Variants in MGST2 observed in about 807,000 individuals in gnomAD.
MGST2 encodes the protein glutathione peroxidase MGST2.
MGST2 carries 9 observed loss-of-function variants against 16.6 expected under a neutral mutation model. The ratio of observed to expected loss-of-function variants is 0.54; its 90% confidence interval spans 0.33 to 0.95. MGST2 has a LOEUF of 0.95. Among genes scored for constraint, MGST2 ranks in the 40% least tolerant of loss-of-function variants. The pLI is 0.03. For missense variants in MGST2, 159 were observed against 175.1 expected, an observed-to-expected ratio of 0.91 and a Z score of 0.52; for synonymous variants, 79 against 68.0, an observed-to-expected ratio of 1.16 and a Z score of -0.79.
downstream of MGST2, among the ~76,000 whole-genome samples, chr4:139,745,208 T>C (rs1228440203): frequency 1.3e-5 from 2 of 152,138 alleles, no homozygotes; most frequent in Non-Finnish European, 2.9e-5. Flanking sequence ...TGCTGGGATG[T>C]GTGAGAGGAA....
chr4:139,748,532 G>T, the MGST2 span, among the ~76,000 whole-genome samples: 19 of 152,188 alleles, frequency 1.2e-4, no homozygotes, highest in Admixed American at 1.2e-3. Flanking sequence ...AACTGAAGGA[G>T]CAGGAGGCTG....
the MGST2 span, among the ~76,000 whole-genome samples, chr4:139,747,384 G>A: frequency 6.6e-6 from 1 of 152,196 alleles, no homozygotes; most frequent in Non-Finnish European, 1.5e-5. Context: ...ATTCTAGGGG[G>A]AAGAACTTTA....
intron 5 of MGST2, among the ~76,000 whole-genome samples, chr4:139,729,737 A>G (rs1728625638): frequency 6.6e-6 from 1 of 152,236 alleles, no homozygotes; most frequent in Non-Finnish European, 1.5e-5. Context: ...TCTGCAGGGA[A>G]GGCTTTCTCT....
downstream of MGST2, among the ~76,000 whole-genome samples, chr4:139,706,379 C>T (rs1727519085): frequency 6.6e-6 from 1 of 152,200 alleles, no homozygotes; most frequent in South Asian, 2.1e-4. Context: ...CACTTTGTAG[C>T]TCTCTGCCTT....
At chr4:139,737,291 T>C (rs867074414) in intron 5 of MGST2, among the ~76,000 whole-genome samples, 6 of 152,120 alleles carry the variant, frequency 3.9e-5, no homozygotes, top group Admixed American at 6.5e-5. Flanking sequence ...GGCTTTCACC[T>C]GTATGTTTAA....
intron 5 of MGST2, among the ~76,000 whole-genome samples, chr4:139,738,725 A>C (rs1729046809): frequency 6.6e-6 from 1 of 151,802 alleles, no homozygotes; most frequent in African/African-American, 2.4e-5. Context: ...GAGAAAAAAA[A>C]ATGCAGAAAA....
downstream of MGST2, among the ~76,000 whole-genome samples, chr4:139,709,028 GA>G (rs1273503211): frequency 9.0e-6 from 1 of 110,984 alleles, no homozygotes; most frequent in Non-Finnish European, 1.9e-5. Flanking sequence ...AAAAGAAAAA[GA>G]AAAAAACAAC....
At chr4:139,740,978 C>G (rs1729146891), downstream of MGST2, among the ~76,000 whole-genome samples, 1 of 152,216 alleles carries the variant, frequency 6.6e-6, no homozygotes, top group African/African-American at 2.4e-5. Flanking sequence ...CCGTGTCAGC[C>G]TGCTCTGCCG....
intron 5 of MGST2, chr4:139,716,773 T>TTTTTG (rs1331893791): frequency 2.0e-5 from 3 of 151,634 alleles, no homozygotes; most frequent in Admixed American, 1.3e-4. Context: ...TAATCTTTTA[T>TTTTTG]TTTTGTTTTT....
intron 3 of MGST2, among the ~76,000 whole-genome samples, chr4:139,700,827 T>C (rs569247134): frequency 4.3e-4 from 65 of 152,234 alleles, no homozygotes; most frequent in Non-Finnish European, 8.2e-4. Flanking sequence ...GCTACCTTCG[T>C]TGGAGAAATT....
chr4:139,739,176 G>C (rs1475646813), intron 5 of MGST2, among the ~76,000 whole-genome samples: 6 of 152,204 alleles, frequency 3.9e-5, no homozygotes, highest in South Asian at 2.1e-4. Flanking sequence ...AACTGGAGAT[G>C]ACAAAATGAT....
chr4:139,666,338 A>C lies in MGST2; in HGVS notation c.58+261A>C, dbSNP rs1020026761. Among the ~76,000 whole-genome samples the C allele has an allele frequency of 5.9e-5, 9 of 152,122 alleles. No homozygotes were observed. The East Asian group carries it at 1.7e-3, about 29-fold the overall frequency. On this transcript the variant is annotated intron_variant, in intron 1 of 4. Transcript: ENST00000265498. ...CCCAACTGGAACGCTGTGGGGCCTC[A>C]GAGCTCAGCGATTCTGCATCATCTG...
In MGST2 at chr4:139,678,581, T is replaced by C; in HGVS notation, c.97T>C (p.Tyr33His). The C allele has an allele frequency of 6.2e-7, 1 of 1,614,158 alleles. No homozygotes were observed. Among genetic ancestry groups the C allele is most frequent in the Non-Finnish European group, 8.5e-7 (1 of 1,179,992 alleles). ...GCAAGTTGGAAAGGCAAGATTAAAA[T>C]ACAAAGTTACGCCCCCAGCAGTCAC... ...ALQVGKARLK[Y>H]KVTPPAVTGS... The change falls in exon 2 of 5, where the codon TAC becomes CAC. Residue 33 changes from tyrosine (Y) to histidine (H), a missense_variant. Coordinates refer to ENST00000265498, the MANE Select transcript of MGST2 (RefSeq NM_002413.5).
intron 5 of MGST2, among the ~76,000 whole-genome samples, chr4:139,737,472 G>T (rs766175421): frequency 1.3e-5 from 2 of 152,134 alleles, no homozygotes; most frequent in Non-Finnish European, 2.9e-5. Context: ...TGGGAAGGGG[G>T]TGGGGAGAGG....
intron 5 of MGST2, among the ~76,000 whole-genome samples, chr4:139,724,949 G>A (rs986211673): frequency 6.6e-6 from 1 of 152,068 alleles, no homozygotes; most frequent in African/African-American, 2.4e-5. Context: ...TAGAGAGACA[G>A]GGTTTTGCTA....
chr4:139,745,478 T>TA (rs1729291499), downstream of MGST2, among the ~76,000 whole-genome samples: 1 of 152,064 alleles, frequency 6.6e-6, no homozygotes, highest in Non-Finnish European at 1.5e-5. Flanking sequence ...CTGGCTGAGA[T>TA]TTGGCACTTG....
At chr4:139,687,325 T>G (rs1220129513) in intron 2 of MGST2, among the ~76,000 whole-genome samples, 1 of 152,178 alleles carries the variant, frequency 6.6e-6, no homozygotes, top group African/African-American at 2.4e-5. Context: ...CTAGCCCAAT[T>G]TTTGCCTTAG....
intron 5 of MGST2, chr4:139,725,948 G>T: frequency 1.2e-6 from 1 of 856,150 alleles, no homozygotes; most frequent in Non-Finnish European, 1.9e-6. Context: ...TAAACTTTGT[G>T]TTGAAGAATC....
chr4:139,674,517 CT>C (rs1224914409), intron 1 of MGST2, among the ~76,000 whole-genome samples: 3 of 151,240 alleles, frequency 2.0e-5, no homozygotes, highest in African/African-American at 7.3e-5. Flanking sequence ...AAGTGGCTCA[CT>C]TCTGTAATCC....
Sources: gnomAD v4.1 joint callset for allele counts (sites outside exome capture counted in the v4.1 genomes callset) on GRCh38, gnomAD v4.1.1 for gene constraint, MANE v1.5 for transcripts, NCBI Gene and HGNC (gene_info 2026-07-23, HGNC 2026-07-21) for gene names.